Variants in TAFA1 observed in about 807,000 individuals in gnomAD.
The protein encoded by TAFA1 is chemokine-like protein TAFA-1.
TAFA1 carries 4 observed loss-of-function variants against 18.5 expected under a neutral mutation model. The observed-to-expected ratio is 0.22, with a 90% CI of 0.11 to 0.49. The LOEUF (loss-of-function observed/expected upper bound fraction) is 0.49, where lower values mean the gene tolerates loss of function less well. Ranked by LOEUF, TAFA1 falls within the 20% of genes least tolerant of loss-of-function variation. The pLI is 0.98. For missense variants in TAFA1, 147 were observed against 169.0 expected (o/e 0.87, Z 0.72); for synonymous variants, 56 against 55.2 (o/e 1.01, Z -0.06).
intron 2 of TAFA1, among the ~76,000 whole-genome samples, chr3:68,014,395 A>G (rs1704530883): frequency 1.3e-5 from 2 of 152,358 alleles, no homozygotes; most frequent in African/African-American, 4.8e-5. Flanking sequence ...TAAAATTCAA[A>G]AAGTGGTAGA....
At chr3:68,305,898 A>G (rs1332091224) in intron 2 of TAFA1, among the ~76,000 whole-genome samples, 1 of 152,186 alleles carries the variant, frequency 6.6e-6, no homozygotes, top group Non-Finnish European at 1.5e-5. Flanking sequence ...ACATGATAAC[A>G]CTACAAGGCA....
At chr3:68,519,458 A>G (rs1431840870) in intron 3 of TAFA1, among the ~76,000 whole-genome samples, 2 of 152,250 alleles carry the variant, frequency 1.3e-5, no homozygotes, top group Non-Finnish European at 2.9e-5. Flanking sequence ...GCCAATTGTT[A>G]ATGATTACCT....
Position 68,140,030 on chromosome 3 carries a change from C to T in TAFA1, c.118+133286C>T, listed in dbSNP as rs563762302. On this transcript the variant is annotated intron_variant, in intron 2 of 4. Transcript: ENST00000478136. ...AAATATGTCAATAAATAGTAGATGTCACCCAAGTTGGCTTTCCTGTGGTTC... is the reference window on the plus strand; with the variant it reads ...AAATATGTCAATAAATAGTAGATGTTACCCAAGTTGGCTTTCCTGTGGTTC... Among the ~76,000 whole-genome samples the T allele has an allele frequency of 7.9e-5, 12 of 152,272 alleles. No individual in the cohort carries two copies. In the South Asian group the frequency reaches 2.5e-3, roughly 32 times the overall value.
intron 2 of TAFA1, among the ~76,000 whole-genome samples, chr3:68,338,840 A>T (rs1003370719): frequency 3.3e-5 from 5 of 152,160 alleles, no homozygotes; most frequent in African/African-American, 1.2e-4. Flanking sequence ...TTGTTTGCTT[A>T]TGGGTTGGTG....
chr3:68,105,737 C>T (rs1479011048), intron 2 of TAFA1, among the ~76,000 whole-genome samples: 1 of 152,068 alleles, frequency 6.6e-6, no homozygotes, highest in Admixed American at 6.6e-5. Flanking sequence ...GGATCATTTG[C>T]AGAGGCTTGT....
chr3:68,489,166 A>AT (rs1477912337), intron 3 of TAFA1, among the ~76,000 whole-genome samples: 3 of 152,162 alleles, frequency 2.0e-5, no homozygotes, highest in African/African-American at 7.2e-5. Flanking sequence ...GCTTTTCATC[A>AT]TTTTGTCATA....
chr3:68,080,554 A>G (rs1325872782), intron 2 of TAFA1, among the ~76,000 whole-genome samples: 8 of 152,016 alleles, frequency 5.3e-5, no homozygotes, highest in African/African-American at 1.9e-4. Flanking sequence ...AAAGTATTTT[A>G]TTTCTCCTTT....
intron 2 of TAFA1, among the ~76,000 whole-genome samples, chr3:68,043,827 T>A (rs1705215282): frequency 6.6e-6 from 1 of 152,182 alleles, no homozygotes; most frequent in African/African-American, 2.4e-5. Flanking sequence ...TCAAGAAAAA[T>A]TCATTTCTGT....
At position 68,062,734 on chromosome 3, in the gene TAFA1, A is replaced by C. The variant is rs569395299; in HGVS notation, c.118+55990A>C. The stretch of plus-strand genomic sequence containing the variant: ...GGGGAGGATTCATAGAAGAGGTAAT[A>C]TTTGAATTATGAGTTGAAATTTGGA... On this transcript the variant is annotated intron_variant, in intron 2 of 4. Transcript: ENST00000478136. Among the ~76,000 whole-genome samples the C allele has an allele frequency of 9.2e-5, 14 of 152,288 alleles. No homozygotes were observed. The East Asian group carries it at 2.5e-3, about 27-fold the overall frequency.
At chr3:68,387,301 G>C (rs1305812374) in intron 2 of TAFA1, among the ~76,000 whole-genome samples, 1 of 152,084 alleles carries the variant, frequency 6.6e-6, no homozygotes, top group Non-Finnish European at 1.5e-5. Context: ...CTATAGCTCA[G>C]TTTGCAAAAG....
rs7631374 is a variant in TAFA1 at position 68,472,854 on chromosome 3, G to A, written c.259+55434G>A. Reference sequence around the variant, plus strand: ...CTAATAAGTTACTTTGACTAATGAAGAATAAGGAATGGCACATCATTCAAG... The same window carrying A: ...CTAATAAGTTACTTTGACTAATGAAAAATAAGGAATGGCACATCATTCAAG... On this transcript the variant is annotated intron_variant, in intron 3 of 4. Coordinates refer to ENST00000478136, the MANE Select transcript of TAFA1 (RefSeq NM_213609.4). 9.0e-3 allele frequency among the ~76,000 whole-genome samples: 1,376 copies of A among 152,140 alleles called. 21 individuals are homozygous for A. Among genetic ancestry groups the A allele is most frequent in the African/African-American group, 0.031 (1,274 of 41,508 alleles).
At chr3:68,486,022 G>C (rs2072329796) in intron 3 of TAFA1, among the ~76,000 whole-genome samples, 1 of 151,850 alleles carries the variant, frequency 6.6e-6, no homozygotes, top group African/African-American at 2.4e-5. Context: ...CGACCTCCTG[G>C]GCTCAAGCAG....
chr3:68,404,537 C>T (rs963539877), intron 2 of TAFA1, among the ~76,000 whole-genome samples: 12 of 152,066 alleles, frequency 7.9e-5, no homozygotes, highest in Admixed American at 6.5e-4. Flanking sequence ...TGGTGGCTCA[C>T]GCCTATAATC....
At chr3:68,234,083 C>T (rs1314359649) in intron 2 of TAFA1, among the ~76,000 whole-genome samples, 7 of 152,120 alleles carry the variant, frequency 4.6e-5, no homozygotes, top group South Asian at 2.1e-4. Flanking sequence ...CAAAACATAA[C>T]GAGATGGAAG....
At chr3:68,302,438 A>G (rs1039861750) in intron 2 of TAFA1, among the ~76,000 whole-genome samples, 1 of 152,232 alleles carries the variant, frequency 6.6e-6, no homozygotes, top group African/African-American at 2.4e-5. Flanking sequence ...CGTTTCCAAC[A>G]GCTAAGCTAC....
intron 2 of TAFA1, among the ~76,000 whole-genome samples, chr3:68,143,343 G>C (rs1238429473): frequency 6.6e-6 from 1 of 152,096 alleles, no homozygotes; most frequent in Non-Finnish European, 1.5e-5. Flanking sequence ...GGCTTATGAA[G>C]AATTATGATT....
chr3:68,110,594 A>T (rs1430131490), intron 2 of TAFA1, among the ~76,000 whole-genome samples: 1 of 152,184 alleles, frequency 6.6e-6, no homozygotes, highest in Non-Finnish European at 1.5e-5. Flanking sequence ...ATGGATTAAG[A>T]AAGGCAAGGG....
intron 2 of TAFA1, among the ~76,000 whole-genome samples, chr3:68,413,531 C>T (rs1006833650): frequency 2.6e-5 from 4 of 152,080 alleles, no homozygotes; most frequent in African/African-American, 9.7e-5. Flanking sequence ...ATGGAAATAA[C>T]AATAGTTCTA....
At chr3:68,429,125 C>T (rs2071115082) in intron 3 of TAFA1, among the ~76,000 whole-genome samples, 2 of 151,900 alleles carry the variant, frequency 1.3e-5, no homozygotes, top group Non-Finnish European at 1.5e-5. Flanking sequence ...GAGATGTTGC[C>T]TTTCATCTTG....
Sources: allele counts gnomAD v4.1 joint callset (sites outside exome capture counted in the v4.1 genomes callset), GRCh38; gene constraint gnomAD v4.1.1; transcripts MANE v1.5; gene names NCBI Gene and HGNC (gene_info 2026-07-23, HGNC 2026-07-21).